The following AEBP2 variants were observed in gnomAD, a reference collection of about 807,000 sequenced individuals.
AEBP2 encodes the protein AE binding protein 2.
In AEBP2, 10 loss-of-function variants were observed where a neutral mutation model predicts 50.8. That is an observed-to-expected ratio of 0.20 (90% CI 0.12 to 0.33). The LOEUF is 0.33. AEBP2 is among the 10% of genes least tolerant of loss of function. The probability of loss-of-function intolerance (pLI) is 1.00; values close to 1 mark genes in which losing one functional copy is unlikely to be tolerated. For missense variants in AEBP2, 570 were observed against 688.0 expected, an observed-to-expected ratio of 0.83 and a Z score of 1.92; for synonymous variants, 296 against 261.3, an observed-to-expected ratio of 1.13 and a Z score of -1.28.
chr12:19,478,761 GT>G (rs1193060437), intron 3 of AEBP2, among the ~76,000 whole-genome samples: 2 of 152,108 alleles, frequency 1.3e-5, no homozygotes, highest in African/African-American at 4.8e-5. Flanking sequence ...TAATTTCCAT[GT>G]GTTTGTGTAG....
chr12:19,437,912 G>C (rs1157590305), upstream of AEBP2, among the ~76,000 whole-genome samples: 2 of 152,174 alleles, frequency 1.3e-5, no homozygotes, highest in Non-Finnish European at 2.9e-5. Flanking sequence ...AATGAGCATG[G>C]AGGCTCTGTT....
At chr12:19,478,388 T>G (rs1948681615) in intron 3 of AEBP2, among the ~76,000 whole-genome samples, 1 of 152,132 alleles carries the variant, frequency 6.6e-6, no homozygotes, top group Admixed American at 6.6e-5. Flanking sequence ...CTCTGCTTCC[T>G]GGGTTCAAGT....
chr12:19,406,963 A>G (rs529344225), intron 1 of AEBP2, among the ~76,000 whole-genome samples: 1 of 152,204 alleles, frequency 6.6e-6, no homozygotes, highest in South Asian at 2.1e-4. Flanking sequence ...TCTTTTCTCT[A>G]TTGTATTACC....
chr12:19,408,435 G>C (rs568595688), intron 1 of AEBP2, among the ~76,000 whole-genome samples: 10 of 151,418 alleles, frequency 6.6e-5, no homozygotes, highest in Admixed American at 2.6e-4. Flanking sequence ...GTGGTGCATA[G>C]TTACTTGGGA....
At chr12:19,504,380 G>GCCCCCCC (rs55796210) in intron 5 of AEBP2, among the ~76,000 whole-genome samples, 2 of 149,352 alleles carry the variant, frequency 1.3e-5, no homozygotes, top group South Asian at 2.1e-4. Flanking sequence ...GAATACAGGC[G>GCCCCCCC]CCCCCCCCAC....
intron 3 of AEBP2, among the ~76,000 whole-genome samples, chr12:19,475,336 C>T (rs1014296813): frequency 6.7e-6 from 1 of 150,326 alleles, no homozygotes; most frequent in African/African-American, 2.4e-5. Context: ...ATTTTCCTTT[C>T]CTGAATTACT....
chr12:19,516,148 T>G (rs1412305250), intron 7 of AEBP2, among the ~76,000 whole-genome samples: 1 of 152,180 alleles, frequency 6.6e-6, no homozygotes, highest in East Asian at 1.9e-4. Context: ...ATAAAACTTA[T>G]TCTTTGTGGA....
chr12:19,517,987 T>G, intron 7 of AEBP2, 100 bp from the exon 8 acceptor site: 1 of 1,073,918 alleles, frequency 9.3e-7, no homozygotes, highest in East Asian at 2.8e-5. Context: ...TCTATGATCA[T>G]CACATTGCCT....
chr12:19,421,888 G>T (rs7972046), intron 1 of AEBP2, among the ~76,000 whole-genome samples: 75,795 of 151,906 alleles, frequency 0.5, 20,072 homozygotes, highest in Non-Finnish European at 0.61. Flanking sequence ...GGTGGCTCTC[G>T]CCTGTAATCC....
chr12:19,485,632 C>T (rs995033179), intron 3 of AEBP2, among the ~76,000 whole-genome samples: 1 of 146,238 alleles, frequency 6.8e-6, no homozygotes, highest in Non-Finnish European at 1.5e-5. Context: ...TCACTTGAGT[C>T]TGGGTGTTTG....
At chr12:19,500,482 T>A (rs1949051881) in intron 5 of AEBP2, among the ~76,000 whole-genome samples, 1 of 152,184 alleles carries the variant, frequency 6.6e-6, no homozygotes, top group African/African-American at 2.4e-5. Flanking sequence ...CACCATACAG[T>A]GTTACTAGGC....
At chr12:19,501,198 G>C (rs1257319259) in intron 5 of AEBP2, among the ~76,000 whole-genome samples, 1 of 152,062 alleles carries the variant, frequency 6.6e-6, no homozygotes, top group African/African-American at 2.4e-5. Context: ...GGGTGTGGTA[G>C]TGGTCATCTG....
Position 19,439,666 on chromosome 12 carries a change from G to GGGAGGAGGA in AEBP2, c.-20_-12dup, listed in dbSNP as rs74261534. 9.6e-5 allele frequency: 142 copies of GGGAGGAGGA among 1,475,402 alleles called. No individual in the cohort carries two copies. Among genetic ancestry groups the GGGAGGAGGA allele is most frequent in the Non-Finnish European group, 1.2e-4 (132 of 1,110,924 alleles). The allele number at this position is 1,475,402 out of a possible 1,614,324, so 91.4% of individuals were successfully genotyped here. On this transcript the variant is annotated 5_prime_UTR_variant, in exon 1 of 8. Transcript: ENST00000266508. ...GAGTCGAGAGAGGGAGGCGGCGGTGGGGAGGAGGAGGAGGAGGAGGAGCAG... is the reference window on the plus strand; with the variant it reads ...GAGTCGAGAGAGGGAGGCGGCGGTGGGGAGGAGGAGGAGGAGGAGGAGGAGGAGGAGCAG...
At chr12:19,502,759 G>A (rs1269812167) in intron 5 of AEBP2, among the ~76,000 whole-genome samples, 2 of 149,952 alleles carry the variant, frequency 1.3e-5, no homozygotes, top group African/African-American at 4.9e-5. Flanking sequence ...AGCGATTCTT[G>A]TGCCTCAGCC....
chr12:19,518,782 G>T lies in AEBP2; in HGVS notation c.*665G>T, dbSNP rs961505809. On this transcript the variant is annotated 3_prime_UTR_variant, in exon 8 of 8. Transcript: ENST00000266508. ...ATTAGGGCTGAAAATTACTGTTAAA[G>T]AGTGTTGCAGTATGTCTGGTGGCTC... The T allele has an allele frequency of 1.4e-6, 2 of 1,396,664 alleles. No homozygotes were observed. The highest frequency in any genetic ancestry group is 2.1e-5 in the Admixed American group (1 of 47,486). The allele number at this position is 1,396,664 out of a possible 1,614,324, so 86.5% of individuals were successfully genotyped here. A position where few individuals can be genotyped will look rare whatever the true frequency, so the allele number is the denominator to read the frequency against.
At chr12:19,426,834 G>T (rs987506077) in intron 1 of AEBP2, among the ~76,000 whole-genome samples, 6 of 152,164 alleles carry the variant, frequency 3.9e-5, no homozygotes, top group African/African-American at 1.4e-4. Context: ...CCAAGAAGCG[G>T]AGGTTGCAGT....
intron 1 of AEBP2, among the ~76,000 whole-genome samples, chr12:19,406,673 C>T (rs138014013): frequency 6.9e-5 from 9 of 131,172 alleles, no homozygotes; most frequent in Non-Finnish European, 1.3e-4. Flanking sequence ...AAGAGCGAAA[C>T]TCTGTCTCAA....
intron 1 of AEBP2, among the ~76,000 whole-genome samples, chr12:19,405,874 T>G (rs1395386203): frequency 6.6e-6 from 1 of 151,944 alleles, no homozygotes; most frequent in East Asian, 1.9e-4. Context: ...CCATCTCAGC[T>G]CACTGCAACC....
intron 3 of AEBP2, among the ~76,000 whole-genome samples, chr12:19,492,385 G>A (rs1790358674): frequency 6.6e-6 from 1 of 152,040 alleles, no homozygotes; most frequent in Non-Finnish European, 1.5e-5. Flanking sequence ...TGTTAAAATA[G>A]CACATCTGTC....
Sources: gnomAD v4.1 joint callset for allele counts (sites outside exome capture counted in the v4.1 genomes callset) on GRCh38, gnomAD v4.1.1 for gene constraint, MANE v1.5 for transcripts, NCBI Gene and HGNC (gene_info 2026-07-23, HGNC 2026-07-21) for gene names.